The following PCDHGA10 variants were observed in gnomAD, a reference collection of about 807,000 sequenced individuals.
PCDHGA10 encodes the protein protocadherin gamma subfamily A, 10.
In PCDHGA10, 42 loss-of-function variants were observed where a neutral mutation model predicts 59.5. The observed-to-expected ratio is 0.71, with a 90% CI of 0.55 to 0.91. The LOEUF (loss-of-function observed/expected upper bound fraction) is 0.91. PCDHGA10 is among the 40% of genes least tolerant of loss of function. The pLI, the probability that PCDHGA10 is intolerant of heterozygous loss-of-function variation, is 0.00. For synonymous variants in PCDHGA10, 511 were observed against 517.2 expected (o/e 0.99, Z 0.16); for missense variants, 1,111 against 1,198.2 (o/e 0.93, Z 1.07).
intron 1 of PCDHGA10, among the ~76,000 whole-genome samples, chr5:141,492,336 A>G (rs1353947767): frequency 1.3e-5 from 2 of 152,072 alleles, no homozygotes; most frequent in East Asian, 3.9e-4. Context: ...TTACGCGAAT[A>G]CCAGCTTTCA....
At chr5:141,455,634 G>T (rs1429708887) in intron 1 of PCDHGA10, among the ~76,000 whole-genome samples, 1 of 152,110 alleles carries the variant, frequency 6.6e-6, no homozygotes, top group African/African-American at 2.4e-5. Context: ...GAGATATGTG[G>T]GGGGCAGCCA....
chr5:141,464,419 A>C (rs2099083824), intron 1 of PCDHGA10, among the ~76,000 whole-genome samples: 1 of 151,658 alleles, frequency 6.6e-6, no homozygotes, highest in Non-Finnish European at 1.5e-5. Flanking sequence ...ATATATCTAT[A>C]TATATAGATA....
At chr5:141,465,792 T>A (rs1262092940) in intron 1 of PCDHGA10, among the ~76,000 whole-genome samples, 2 of 152,018 alleles carry the variant, frequency 1.3e-5, no homozygotes, top group Non-Finnish European at 2.9e-5. Flanking sequence ...TTTTTTTTTT[T>A]AAGAAACCCT....
intron 2 of PCDHGA10, among the ~76,000 whole-genome samples, chr5:141,504,997 AC>A (rs554150488): frequency 9.9e-5 from 15 of 152,238 alleles, no homozygotes; most frequent in African/African-American, 2.9e-4. Flanking sequence ...CCCCGTCTGT[AC>A]TAAAAATACA....
intron 1 of PCDHGA10, among the ~76,000 whole-genome samples, chr5:141,481,749 C>T (rs958851030): frequency 6.6e-6 from 1 of 151,976 alleles, no homozygotes; most frequent in Non-Finnish European, 1.5e-5. Context: ...GTCAGGAGTC[C>T]AAGACCAGCC....
At chr5:141,494,922 C>T (rs1401836511) in intron 2 of PCDHGA10, 57 bp downstream of exon 2, 23 of 1,613,670 alleles carry the variant, frequency 1.4e-5, no homozygotes, top group Non-Finnish European at 1.9e-5. Flanking sequence ...TCAGGGATGA[C>T]GTGGGAGGAG....
At chr5:141,504,666 G>T (rs2099839952) in intron 2 of PCDHGA10, among the ~76,000 whole-genome samples, 1 of 107,242 alleles carries the variant, frequency 9.3e-6, no homozygotes, top group South Asian at 3.6e-4. Context: ...AGGGCGGGGG[G>T]TGGGGGTTCT....
rs776718024 is a variant in PCDHGA10 at position 141,486,333 on chromosome 5, T to C, written c.2437-8474T>C. 8.1e-6 allele frequency: 13 copies of C among 1,614,080 alleles called. No individual in the cohort carries two copies. Among genetic ancestry groups the C allele is most frequent in the Non-Finnish European group, 1.1e-5 (13 of 1,179,998 alleles). On this transcript the variant is annotated intron_variant, in intron 1 of 3. Coordinates refer to ENST00000398610, the MANE Select transcript of PCDHGA10 (RefSeq NM_018913.3). The surrounding 1 kb of genome is among the most constrained non-coding windows in gnomAD (Gnocchi z 5.0). ...TCAGGGTCAAACGGAGATGTGAGCC[T>C]CCGCATTCCTGACCACTTGCCATTT...
intron 1 of PCDHGA10, among the ~76,000 whole-genome samples, chr5:141,424,889 G>A (rs1173725674): frequency 6.6e-6 from 1 of 152,090 alleles, no homozygotes; most frequent in Non-Finnish European, 1.5e-5. Flanking sequence ...ACTTATCTAG[G>A]GTTTTTGATC....
At chr5:141,435,593 G>A (rs183768133) in intron 1 of PCDHGA10, among the ~76,000 whole-genome samples, 9 of 152,112 alleles carry the variant, frequency 5.9e-5, no homozygotes, top group Admixed American at 2.6e-4. Flanking sequence ...CAGTAATATC[G>A]CCTGCTTTTT....
intron 1 of PCDHGA10, among the ~76,000 whole-genome samples, chr5:141,444,229 T>G (rs957213677): frequency 4.6e-5 from 6 of 130,226 alleles, no homozygotes; most frequent in Admixed American, 9.4e-5. Context: ...TGGAGTGCAA[T>G]GGCATGCTCT....
At chr5:141,452,948 G>A (rs2098752873) in intron 1 of PCDHGA10, among the ~76,000 whole-genome samples, 1 of 152,134 alleles carries the variant, frequency 6.6e-6, no homozygotes, top group African/African-American at 2.4e-5. Context: ...CTTGCAATTG[G>A]TTGTCTTTAA....
intron 1 of PCDHGA10, among the ~76,000 whole-genome samples, chr5:141,451,365 G>C (rs557753113): frequency 2.0e-5 from 3 of 152,116 alleles, no homozygotes; most frequent in Non-Finnish European, 4.4e-5. Context: ...GGATGGATCC[G>C]CTTCTAATCT....
At chr5:141,423,694 T>A in intron 1 of PCDHGA10, 1 of 1,501,554 alleles carries the variant, frequency 6.7e-7, no homozygotes, top group Non-Finnish European at 8.9e-7. Context: ...TAATTGTTGG[T>A]GTCTTGGCAC....
At chr5:141,435,803 T>C (rs551682061) in intron 1 of PCDHGA10, among the ~76,000 whole-genome samples, 1 of 152,178 alleles carries the variant, frequency 6.6e-6, no homozygotes, top group South Asian at 2.1e-4. Context: ...ACGTCCCAAT[T>C]ATTTTTTCTT....
chr5:141,489,354 G>A lies in PCDHGA10; in HGVS notation c.2437-5453G>A, dbSNP rs773010251. On this transcript the variant is annotated intron_variant, in intron 1 of 3. Coordinates refer to ENST00000398610, the MANE Select transcript of PCDHGA10 (RefSeq NM_018913.3). The surrounding 1 kb of genome is among the most constrained non-coding windows in gnomAD (Gnocchi z 4.5). ...AGCTTCGTTACTCAGTGGTGGAGGA[G>A]TCTGAGCCGGGGACGCTGGTGGGGA... The A allele has an allele frequency of 1.2e-5, 19 of 1,612,796 alleles. No homozygotes were observed. Among genetic ancestry groups the A allele is most frequent in the East Asian group, 2.2e-5 (1 of 44,868 alleles).
Position 141,491,968 on chromosome 5 carries a change from G to GC in PCDHGA10, c.2437-2837dup. On this transcript the variant is annotated intron_variant, in intron 1 of 3. Coordinates refer to ENST00000398610, the MANE Select transcript of PCDHGA10 (RefSeq NM_018913.3). The surrounding 1 kb of genome is among the most constrained non-coding windows in gnomAD (Gnocchi z 6.9). ...ACCCCTACACTCAAAAAAGGCCGGG[G>GC]CCTCCTTCGAGCTTCCGGTGAATTT... 1.1e-6 allele frequency: 1 copy of GC among 923,644 alleles called. No homozygotes were observed. Among genetic ancestry groups the GC allele is most frequent in the Admixed American group, 3.6e-5 (1 of 27,548 alleles). 57.2% of individuals were successfully genotyped at this position (923,644 alleles called of 1,614,324 possible).
Position 141,447,434 on chromosome 5 carries a change from G to A in PCDHGA10, c.2436+31823G>A, listed in dbSNP as rs114249648. ...ATTACAGGCGTGAGCCACCGCACCC[G>A]GAGGAAATTTTTAACCTCAGTTTTT... On this transcript the variant is annotated intron_variant, in intron 1 of 3. Transcript: ENST00000398610. 2.8e-3 allele frequency among the ~76,000 whole-genome samples: 425 copies of A among 152,164 alleles called. 1 individual carries two copies. The highest frequency in any genetic ancestry group is 9.5e-3 in the African/African-American group (394 of 41,546).
At chr5:141,470,872 TTTTTTGTTTTTG>T (rs900302332) in intron 1 of PCDHGA10, among the ~76,000 whole-genome samples, 1 of 151,814 alleles carries the variant, frequency 6.6e-6, no homozygotes, top group Non-Finnish European at 1.5e-5. Context: ...GTTTGTTTGT[TTTTTTGTTTTTG>T]TTTTTGTTTT....
Sources: gnomAD v4.1 joint callset for allele counts (sites outside exome capture counted in the v4.1 genomes callset) on GRCh38, gnomAD v4.1.1 for gene constraint, Gnocchi (gnomAD v3.1) non-coding constraint, MANE v1.5 for transcripts, NCBI Gene and HGNC (gene_info 2026-07-23, HGNC 2026-07-21) for gene names.